UTP20: variants seen among roughly 807,000 people sequenced by gnomAD.
The protein encoded by UTP20 is UTP20 small subunit processome component.
UTP20 carries 164 observed loss-of-function variants against 329.5 expected under a neutral mutation model. The ratio of observed to expected loss-of-function variants is 0.50; its 90% CI spans 0.44 to 0.57. The LOEUF (loss-of-function observed/expected upper bound fraction) is 0.57, where lower values mean the gene tolerates loss of function less well. Among genes scored for constraint, UTP20 ranks in the 20% least tolerant of loss-of-function variants. The pLI, the probability that UTP20 is intolerant of heterozygous loss-of-function variation, is 0.00. For synonymous variants in UTP20, 1,151 were observed against 1,159.3 expected (o/e 0.99, Z 0.14); for missense variants, 3,055 against 3,284.2 (o/e 0.93, Z 1.71).
chr12:101,283,016 T>C (rs1482656099), intron 2 of UTP20, among the ~76,000 whole-genome samples: 2 of 152,224 alleles, frequency 1.3e-5, no homozygotes, highest in African/African-American at 2.4e-5. Context: ...AAAGATAAGA[T>C]AATTAGTTCC....
chr12:101,324,033 A>G (rs1303793713), intron 25 of UTP20, among the ~76,000 whole-genome samples: 1 of 152,058 alleles, frequency 6.6e-6, no homozygotes, highest in East Asian at 2.0e-4. Context: ...GCGATTTGGG[A>G]GGCTGAGGCA....
chr12:101,329,426 C>T lies in UTP20; in HGVS notation c.3394C>T (p.His1132Tyr). ...GCTCTGTATGACAGCAACCGTATCA[C>T]ACATCCTTGACCAACGAGAAAAGGT... ...ILLCMTATVS[H>Y]ILDQREKIQL... Residue 1132 changes from histidine (H) to tyrosine (Y), a missense_variant, in exon 27 of 62, where the codon CAC becomes TAC. By Grantham distance (83) the His-to-Tyr change is moderately conservative (BLOSUM62 2). Coordinates refer to ENST00000261637, the MANE Select transcript of UTP20 (RefSeq NM_014503.3). 1.2e-6 allele frequency: 2 copies of T among 1,613,226 alleles called. No individual in the cohort carries two copies. The highest frequency in any genetic ancestry group is 1.7e-6 in the Non-Finnish European group (2 of 1,179,282).
Position 101,353,057 on chromosome 12 carries a change from A to G in UTP20, c.5035A>G (p.Ile1679Val), listed in dbSNP as rs764731370. ...TTTTTTTTTTAACAGTTTGCTAGTA[A>G]TAGTGTTAGAAGCATTCCACTTTGA... Reference protein sequence around the residue: ...NQKLGVSLLVIVLEAFHFDHK... With the variant: ...NQKLGVSLLVVVLEAFHFDHK... The change falls in exon 40 of 62, where the codon ATA becomes GTA. Residue 1679 changes from isoleucine to valine, a missense_variant. By Grantham distance (29) the Ile-to-Val change is conservative. This residue lies in a region of UTP20 where 2,445 missense variants were observed against 2,575.5 expected (regional missense o/e 0.95). Transcript: ENST00000261637. 1.9e-6 allele frequency: 3 copies of G among 1,564,836 alleles called. No individual in the cohort carries two copies. The highest frequency in any genetic ancestry group is 3.4e-5 in the Admixed American group (2 of 58,184).
chr12:101,310,577 C>CAAAAA (rs549641642), intron 19 of UTP20, among the ~76,000 whole-genome samples: 18 of 44,366 alleles, frequency 4.1e-4, no homozygotes, highest in African/African-American at 1.5e-3. Context: ...CTCTGTCTCC[C>CAAAAA]AAAAAAAAAA....
At chr12:101,378,528 G>C (rs1483182975) in intron 56 of UTP20, among the ~76,000 whole-genome samples, 1 of 152,092 alleles carries the variant, frequency 6.6e-6, no homozygotes, top group African/African-American at 2.4e-5. Flanking sequence ...AGACCAGCCT[G>C]ACCAACATGA....
At chr12:101,300,859 A>G (rs569737255) in intron 14 of UTP20, among the ~76,000 whole-genome samples, 1 of 152,178 alleles carries the variant, frequency 6.6e-6, no homozygotes, top group Non-Finnish European at 1.5e-5. Flanking sequence ...TGGCTACTGT[A>G]CTGGATTGTG....
intron 29 of UTP20, among the ~76,000 whole-genome samples, chr12:101,335,801 G>A (rs1206506461): frequency 2.6e-5 from 4 of 152,058 alleles, no homozygotes; most frequent in African/African-American, 9.7e-5. Flanking sequence ...TCTTCCTCAG[G>A]AAAACTTGTT....
chr12:101,290,376 A>G (rs937135402), intron 7 of UTP20, 102 bp downstream of exon 7: 3 of 1,349,036 alleles, frequency 2.2e-6, no homozygotes. Context: ...CCTAGAGTAC[A>G]TAGCACTAGA....
intron 12 of UTP20, among the ~76,000 whole-genome samples, chr12:101,297,103 A>G (rs1872381564): frequency 6.6e-6 from 1 of 152,186 alleles, no homozygotes; most frequent in African/African-American, 2.4e-5. Context: ...TCGACTTTGA[A>G]ACATCCATGG....
chr12:101,296,353 C>T (rs370549662), intron 12 of UTP20, among the ~76,000 whole-genome samples: 2 of 152,112 alleles, frequency 1.3e-5, no homozygotes, highest in African/African-American at 4.8e-5. Flanking sequence ...GGGCAGATCA[C>T]GAGGTCAGGA....
In UTP20 at chr12:101,379,369, A is replaced by C. The variant is rs750632672; in HGVS notation, c.7397-2A>C. 3.1e-6 allele frequency: 5 copies of C among 1,598,146 alleles called. No individual in the cohort carries two copies. The highest frequency in any genetic ancestry group is 4.3e-6 in the Non-Finnish European group (5 of 1,170,740). On this transcript the variant is annotated splice_acceptor_variant, in intron 56 of 61. Transcript: ENST00000261637. LOFTEE classifies it high-confidence loss of function. ...TCCACAAATGCTTTTTGGTTCCCTT[A>C]GGTCATGTGCATTCTCACCTGAGAC...
At chr12:101,334,050 A>C (rs1868851857) in intron 28 of UTP20, among the ~76,000 whole-genome samples, 1 of 152,176 alleles carries the variant, frequency 6.6e-6, no homozygotes, top group Admixed American at 6.5e-5. Context: ...TTTTTATTAC[A>C]TACTTCCTAT....
At chr12:101,291,005 C>T (rs958240745) in intron 8 of UTP20, 117 bp downstream of exon 8, 3 of 1,067,544 alleles carry the variant, frequency 2.8e-6, no homozygotes, top group East Asian at 2.9e-5. Flanking sequence ...TTTATTTATA[C>T]TTCTGTACAC....
Position 101,338,913 on chromosome 12 carries a change from A to G in UTP20, c.3969A>G (p.Lys1323=). 6.2e-7 allele frequency: 1 copy of G among 1,611,288 alleles called. No individual in the cohort carries two copies. The highest frequency in any genetic ancestry group is 2.3e-5 in the East Asian group (1 of 44,364). ...TAAGCGCAGAAAAGGTGAAAAAGAA[A>G]AAGAATAGAGCACAAGTCAGTAAAG... ...TTISAEKVKK[K]KNRAQVSKEL... is the part of the protein sequence containing the mutation. Residue 1323 remains lysine (K), a synonymous_variant, in exon 31 of 62, where the codon AAA becomes AAG. Coordinates refer to ENST00000261637, the MANE Select transcript of UTP20 (RefSeq NM_014503.3).
rs753270722 is a variant in UTP20, at chr12:101,370,589, G to A, written c.6687+26G>A. On this transcript the variant is annotated intron_variant, in intron 50 of 61. Transcript: ENST00000261637. Reference sequence around the variant, plus strand: ...GTATGCTGTCGCCAGAATGTTGACTGTTACGGTTTATGAGTTTCACAGCAG... The same window carrying A: ...GTATGCTGTCGCCAGAATGTTGACTATTACGGTTTATGAGTTTCACAGCAG... 19 of 1,603,266 alleles carry A rather than the reference G, an allele frequency of 1.2e-5. No individual in the cohort carries two copies. The East Asian group carries it at 2.5e-4, about 21-fold the overall frequency.
rs199840181 is a variant in UTP20, at chr12:101,286,408, G to A, written c.414G>A (p.Glu138=). 3.7e-6 allele frequency: 6 copies of A among 1,613,842 alleles called. No homozygotes were observed. The East Asian group carries it at 1.3e-4, about 36-fold the overall frequency. Residue 138 remains glutamate, a synonymous_variant, in exon 5 of 62, where the codon GAG becomes GAA. Transcript: ENST00000261637. Reference sequence around the variant, plus strand: ...TTTTGACTATCACCTCGATCCTGGAGACTCAGGACACAGAGTTGTTAGAAT... The same window carrying A: ...TTTTGACTATCACCTCGATCCTGGAAACTCAGGACACAGAGTTGTTAGAAT... ...EFFLTITSIL[E]TQDTELLEWA...
chr12:101,362,057 T>C lies in UTP20; in HGVS notation c.5787T>C (p.Ile1929=). Residue 1929 remains isoleucine, a synonymous_variant, in exon 44 of 62, where the codon ATT becomes ATC. Transcript: ENST00000261637. ...GDLDSCLDIM[I]EIFNHELFGA... is the part of the protein sequence containing the mutation. Reference sequence around the variant, plus strand: ...TGGACTCTTGTTTAGATATAATGATTGAGGTAAGACTTACAGAAACGAATT... The same window carrying C: ...TGGACTCTTGTTTAGATATAATGATCGAGGTAAGACTTACAGAAACGAATT... The C allele has an allele frequency of 6.2e-7, 1 of 1,611,932 alleles. No individual in the cohort carries two copies. The highest frequency in any genetic ancestry group is 8.5e-7 in the Non-Finnish European group (1 of 1,178,434).
intron 48 of UTP20, among the ~76,000 whole-genome samples, chr12:101,368,288 A>G (rs1870166132): frequency 6.6e-6 from 1 of 151,332 alleles, no homozygotes; most frequent in African/African-American, 2.4e-5. Flanking sequence ...GCACACCACC[A>G]CGCCCGGCTA....
At chr12:101,346,152 A>G (rs1295398973) in intron 37 of UTP20, among the ~76,000 whole-genome samples, 2 of 152,068 alleles carry the variant, frequency 1.3e-5, no homozygotes, top group Non-Finnish European at 2.9e-5. Context: ...CCAGGGTTCA[A>G]GTGATTCTCC....
Sources: allele counts gnomAD v4.1 joint callset (sites outside exome capture counted in the v4.1 genomes callset), GRCh38; gene constraint gnomAD v4.1.1; regional missense constraint gnomAD v4.1.1; transcripts MANE v1.5; gene names NCBI Gene and HGNC (gene_info 2026-07-23, HGNC 2026-07-21).